HNRNPH1: variants seen among roughly 807,000 people sequenced by gnomAD.
HNRNPH1 encodes the protein heterogeneous nuclear ribonucleoprotein H1.
A neutral mutation model predicts 58.6 loss-of-function variants in HNRNPH1; 4 were observed. That is an observed-to-expected ratio of 0.07 (90% CI 0.03 to 0.16). The LOEUF (loss-of-function observed/expected upper bound fraction) is 0.16. Among genes scored for constraint, HNRNPH1 ranks in the 10% least tolerant of loss-of-function variants. The probability of loss-of-function intolerance (pLI) is 1.00; values close to 1 mark genes in which losing one functional copy is unlikely to be tolerated. For synonymous variants in HNRNPH1, 192 were observed against 189.2 expected, an observed-to-expected ratio of 1.01 and a Z score of -0.12; for missense variants, 271 against 564.2, an observed-to-expected ratio of 0.48 and a Z score of 5.26.
At chr5:179,615,787 A>C (rs1329862923) in intron 11 of HNRNPH1, 192 bp from the exon 13 acceptor site, 1 of 516,304 alleles carries the variant, frequency 1.9e-6, no homozygotes, top group Non-Finnish European at 3.5e-6. Flanking sequence ...AAGACAAAAA[A>C]GTGAACAACT....
At chr5:179,621,886 C>A (rs753956302) in intron 1 of HNRNPH1, 13 of 454,398 alleles carry the variant, frequency 2.9e-5, no homozygotes, top group Non-Finnish European at 5.3e-5. Context: ...CTCCAAGTTG[C>A]ACAGCTGAAG....
chr5:179,628,974 G>C (rs1038122733), upstream of HNRNPH1, among the ~76,000 whole-genome samples: 3 of 149,268 alleles, frequency 2.0e-5, no homozygotes, highest in Non-Finnish European at 3.0e-5. Flanking sequence ...GAGCGAGACT[G>C]TGCCTCAAAG....
In HNRNPH1 at chr5:179,630,010, C is replaced by T. The variant is rs531030152; in HGVS notation, c.-32+4055G>A. On this transcript the variant is annotated intron_variant, in intron 2 of 4. Transcript: ENST00000521116. ...CTACACTCGAGCCTCGGTGACAGAA[C>T]GACTCTGTCTCAAAATAAAACAAAA... Among the ~76,000 whole-genome samples the T allele has an allele frequency of 4.0e-5, 6 of 151,100 alleles. No homozygotes were observed. The East Asian group carries it at 9.9e-4, about 25-fold the overall frequency.
chr5:179,626,815 G>A (rs902604823), upstream of HNRNPH1, among the ~76,000 whole-genome samples: 38 of 137,268 alleles, frequency 2.8e-4, no homozygotes, highest in Non-Finnish European at 4.3e-4. Context: ...TCGCTCTGTC[G>A]CCCAGGCTGG....
chr5:179,614,784 G>GGA (rs878955393), exon 13 of HNRNPH1: 20 of 446,188 alleles, frequency 4.5e-5, no homozygotes, highest in South Asian at 3.5e-4. Flanking sequence ...TTTTCTTAAA[G>GGA]AAAAAAAAAA....
intron 2 of HNRNPH1, 43 bp from the exon 4 acceptor site, chr5:179,621,078 TAAC>T (rs1562292364): frequency 1.2e-6 from 2 of 1,601,662 alleles, no homozygotes; most frequent in Non-Finnish European, 1.7e-6. Context: ...GAAAATTAGA[TAAC>T]AAAGTTCAGA....
At chr5:179,630,002 T>C (rs1774704128) in intron 2 of HNRNPH1, among the ~76,000 whole-genome samples, 1 of 151,752 alleles carries the variant, frequency 6.6e-6, no homozygotes, top group Non-Finnish European at 1.5e-5. Flanking sequence ...CGAGCCTCGG[T>C]GACAGAACGA....
At chr5:179,617,280 C>T (rs926518755) in intron 8 of HNRNPH1, 170 bp from the exon 10 acceptor site, 1 of 742,108 alleles carries the variant, frequency 1.3e-6, no homozygotes, top group Non-Finnish European at 2.2e-6. Flanking sequence ...CTAGCCTTTA[C>T]ATATTCATCT....
At chr5:179,615,857 TG>T in intron 11 of HNRNPH1, 1 of 520,472 alleles carries the variant, frequency 1.9e-6, no homozygotes, top group Non-Finnish European at 3.4e-6. Flanking sequence ...ATTCCAAAGC[TG>T]CAATGACTAG....
intron 4 of HNRNPH1, 40 bp from the exon 6 acceptor site, chr5:179,618,363 G>C: frequency 7.2e-7 from 1 of 1,386,436 alleles, no homozygotes; most frequent in Non-Finnish European, 1.0e-6. Context: ...GGAGGGGAGA[G>C]AAAACATTAG....
At chr5:179,620,445 T>C (rs776714682) in intron 3 of HNRNPH1, among the ~76,000 whole-genome samples, 3 of 152,212 alleles carry the variant, frequency 2.0e-5, no homozygotes, top group Non-Finnish European at 4.4e-5. Context: ...AAACCGACTT[T>C]TGCATTAAAG....
intron 3 of HNRNPH1, chr5:179,620,148 G>A (rs564691663): frequency 1.3e-5 from 2 of 152,132 alleles, no homozygotes; most frequent in African/African-American, 4.8e-5. Context: ...ATTAGGACTC[G>A]ATACATATAT....
intron 10 of HNRNPH1, 28 bp downstream of exon 11, chr5:179,616,838 TTTG>T: frequency 6.4e-7 from 1 of 1,558,920 alleles, no homozygotes; most frequent in Non-Finnish European, 8.8e-7. Context: ...ATATAAACGT[TTTG>T]GTTTTTAAAA....
At chr5:179,625,484 T>C (rs1581760430), upstream of HNRNPH1, among the ~76,000 whole-genome samples, 9 of 97,380 alleles carry the variant, frequency 9.2e-5, no homozygotes, top group African/African-American at 1.9e-4. Context: ...AAAGACTCCC[T>C]CTCAAAAAAA....
chr5:179,626,814 C>T (rs1453039271), upstream of HNRNPH1, among the ~76,000 whole-genome samples: 10 of 142,082 alleles, frequency 7.0e-5, no homozygotes, highest in African/African-American at 1.6e-4. Context: ...CTCGCTCTGT[C>T]GCCCAGGCTG....
In HNRNPH1 at chr5:179,621,805, T is replaced by A. The variant is rs1452747307; in HGVS notation, c.98-408A>T. On this transcript the variant is annotated intron_variant, in intron 1 of 12. Coordinates refer to ENST00000356731, the Ensembl canonical transcript of HNRNPH1. ...TACCTTACCAGTAGCCACATTACGG[T>A]TTCTCATTCAAATTCAAATTACAAG... 2.1e-5 allele frequency: 8 copies of A among 379,810 alleles called. No homozygotes were observed. The East Asian group carries it at 4.4e-4, about 21-fold the overall frequency. The allele number at this position is 379,810 out of a possible 1,614,324, so 23.5% of individuals were successfully genotyped here.
At chr5:179,632,753 CTTT>C (rs752554745) in intron 2 of HNRNPH1, among the ~76,000 whole-genome samples, 1 of 92,012 alleles carries the variant, frequency 1.1e-5, no homozygotes, top group Non-Finnish European at 2.0e-5. Flanking sequence ...AATCAAATAT[CTTT>C]TTTTTTTTTT....
upstream of HNRNPH1, among the ~76,000 whole-genome samples, chr5:179,625,002 T>C (rs1774225031): frequency 6.6e-6 from 1 of 152,132 alleles, no homozygotes; most frequent in Non-Finnish European, 1.5e-5. Context: ...AAGGGTGTTA[T>C]CTCCGAGAGA....
chr5:179,623,170 A>T lies in HNRNPH1; in HGVS notation c.-37T>A, dbSNP rs76185224. 49 of 1,483,054 alleles carry T rather than the reference A, an allele frequency of 3.3e-5. No individual in the cohort carries two copies. Among genetic ancestry groups the T allele is most frequent in the East Asian group, 7.0e-5 (3 of 42,806 alleles). 91.9% of individuals were successfully genotyped at this position (1,483,054 alleles called of 1,614,324 possible). On this transcript the variant is annotated 5_prime_UTR_variant, in exon 1 of 13. Coordinates refer to ENST00000356731, the Ensembl canonical transcript of HNRNPH1. ...CGGTCCGGCGTCGAAACAAACTGCA[A>T]AGCGGGGAGGACCAGAACTGAGAGC...
Sources: allele counts gnomAD v4.1 joint callset (sites outside exome capture counted in the v4.1 genomes callset), GRCh38; gene constraint gnomAD v4.1.1; transcripts MANE v1.5; gene names NCBI Gene and HGNC (gene_info 2026-07-23, HGNC 2026-07-21).